The following MMP10 variants were observed in gnomAD, a reference collection of about 807,000 sequenced individuals.
MMP10 encodes stromelysin-2.
Under a neutral mutation model 49.1 loss-of-function variants are expected in MMP10, and 50 were observed. That is an observed-to-expected ratio of 1.02 (90% CI 0.81 to 1.29). MMP10 has a LOEUF of 1.29. MMP10 is among the 50% of genes most tolerant of loss of function. The probability of loss-of-function intolerance (pLI) is 0.00; values close to 1 mark genes in which losing one functional copy is unlikely to be tolerated. For synonymous variants in MMP10, 229 were observed against 201.6 expected, an observed-to-expected ratio of 1.14 and a Z score of -1.15; for missense variants, 613 against 563.8, an observed-to-expected ratio of 1.09 and a Z score of -0.88.
At chr11:102,777,467 C>T (rs1857756729) in intron 4 of MMP10, among the ~76,000 whole-genome samples, 1 of 152,038 alleles carries the variant, frequency 6.6e-6, no homozygotes, top group Admixed American at 6.5e-5. Context: ...GTTGGCTAGG[C>T]TGGTCTCAAA....
At position 102,775,255 on chromosome 11, in the gene MMP10, G is replaced by A. The variant is rs751881520; in HGVS notation, c.999C>T (p.Pro333=). 8 of 1,609,694 alleles carry A rather than the reference G, an allele frequency of 5.0e-6. No individual in the cohort carries two copies. The East Asian group carries it at 1.8e-4, about 36-fold the overall frequency. The change falls in exon 7 of 10, where the codon CCC becomes CCT. Residue 333 remains proline (P), a synonymous_variant. Coordinates refer to ENST00000279441, the MANE Select transcript of MMP10 (RefSeq NM_002425.3). ...CAGCATCCAAATATGATGGAAGAGA[G>A]GGCCAAAATGCAGAAATCAAATGAA... ...PEFHLISAFW[P]SLPSYLDAAY...
In MMP10 at chr11:102,770,817, C is replaced by T; in HGVS notation, c.1407G>A (p.Lys469=). The T allele has an allele frequency of 6.2e-7, 1 of 1,611,220 alleles. No homozygotes were observed. The highest frequency in any genetic ancestry group is 8.5e-7 in the Non-Finnish European group (1 of 1,178,370). The change falls in exon 10 of 10, where the codon AAG becomes AAA. Residue 469 remains lysine, a synonymous_variant. Transcript: ENST00000279441. ...CCTAGCAATGTAACCAGCTGTTACT[C>T]TTTAATATGTGTGTCACCATCCTGG... ...PNARMVTHIL[K]SNSWLHC
intron 9 of MMP10, among the ~76,000 whole-genome samples, chr11:102,771,349 C>T (rs940819202): frequency 2.0e-5 from 3 of 152,114 alleles, no homozygotes; most frequent in African/African-American, 7.2e-5. Flanking sequence ...GATAAATGAG[C>T]CAGAGGTCCA....
rs776172086 is a variant in MMP10, at chr11:102,779,331, T to C, written c.378A>G (p.Arg126=). Residue 126 remains arginine, a synonymous_variant, in exon 3 of 10, where the codon AGA becomes AGG. Coordinates refer to ENST00000279441, the MANE Select transcript of MMP10 (RefSeq NM_002425.3). ...TCTCAATGGCAGAATCAACAGCATC[T>C]CTTGGCAAATCTGGTGTATAATTCA... is the stretch of plus-strand genomic sequence containing the variant. ...RIVNYTPDLP[R]DAVDSAIEKA... The C allele has an allele frequency of 1.2e-6, 2 of 1,614,140 alleles. No homozygotes were observed. The highest frequency in any genetic ancestry group is 3.3e-5 in the Admixed American group (2 of 60,008).
intron 4 of MMP10, among the ~76,000 whole-genome samples, chr11:102,777,320 G>C (rs1857754737): frequency 6.6e-6 from 1 of 151,786 alleles, no homozygotes; most frequent in African/African-American, 2.4e-5. Context: ...TTGAGACAGA[G>C]TCTCATTCTG....
rs1242438252 is a variant in MMP10, at chr11:102,780,526, C to T, written c.66G>A (p.Gly22=). ...TGTTGGAGTCCTCCTCTTTTGCTGC[C>T]CCACTCAGAGGATAGGCAGAGCAGA... The part of the protein sequence containing the change: ...LPVCSAYPLS[G]AAKEEDSNKD... Residue 22 remains glycine, a synonymous_variant, in exon 1 of 10, where the codon GGG becomes GGA. Coordinates refer to ENST00000279441, the MANE Select transcript of MMP10 (RefSeq NM_002425.3). 6.2e-7 allele frequency: 1 copy of T among 1,613,924 alleles called. No homozygotes were observed.
chr11:102,775,379 AT>A lies in MMP10; in HGVS notation c.933-59del, dbSNP rs1862012423. On this transcript the variant is annotated intron_variant, in intron 6 of 9. Transcript: ENST00000279441. The stretch of plus-strand genomic sequence containing the variant: ...TCTCTTTTAGATATGTGAAAAAAAA[AT>A]TCTTTTTTTTTAAATCCATGCTAAT... The A allele has an allele frequency of 1.2e-5, 17 of 1,438,214 alleles. No homozygotes were observed. In the South Asian group the frequency reaches 2.3e-4, roughly 20 times the overall value. 89.1% of individuals were successfully genotyped at this position (1,438,214 alleles called of 1,614,324 possible).
chr11:102,778,625 T>C lies in MMP10; in HGVS notation c.621A>G (p.Ser207=). 1.2e-6 allele frequency: 2 copies of C among 1,613,904 alleles called. No homozygotes were observed. The highest frequency in any genetic ancestry group is 1.7e-6 in the Non-Finnish European group (2 of 1,179,896). Residue 207 remains serine, a splice_region_variant and synonymous_variant, in exon 4 of 10, where the codon TCA becomes TCG. Transcript: ENST00000279441. ...DDDEKWTEDA[S]GTNLFLVAAH... ...GTTCCCGAGAGGTTTACGACCCACC[T>C]GATGCATCTTCTGTCCATTTTTCAT...
intron 2 of MMP10, 52 bp from the exon 3 acceptor site, chr11:102,779,413 A>G: frequency 6.2e-7 from 1 of 1,608,780 alleles, no homozygotes; most frequent in Non-Finnish European, 8.5e-7. Context: ...TTTATGAAAA[A>G]TTGTTAAAGA....
At position 102,779,343 on chromosome 11, in the gene MMP10, T is replaced by C. The variant is rs772531661; in HGVS notation, c.366A>G (p.Pro122=). Residue 122 remains proline, a synonymous_variant, in exon 3 of 10, where the codon CCA becomes CCG. Coordinates refer to ENST00000279441, the MANE Select transcript of MMP10 (RefSeq NM_002425.3). The part of the protein sequence containing the change: ...HLTYRIVNYT[P]DLPRDAVDSA... ...AATCAACAGCATCTCTTGGCAAATCTGGTGTATAATTCACAATCCTGGAGG... is the reference window on the plus strand; with the variant it reads ...AATCAACAGCATCTCTTGGCAAATCCGGTGTATAATTCACAATCCTGGAGG... 8 of 1,614,156 alleles carry C rather than the reference T, an allele frequency of 5.0e-6. No individual in the cohort carries two copies. The highest frequency in any genetic ancestry group is 6.8e-6 in the Non-Finnish European group (8 of 1,180,012).
rs1256990285 is a variant in MMP10 at position 102,780,595 on chromosome 11, C to T, written c.-4G>A. 4 of 1,612,988 alleles carry T rather than the reference C, an allele frequency of 2.5e-6. No individual in the cohort carries two copies. The highest frequency in any genetic ancestry group is 2.2e-5 in the South Asian group (2 of 90,778). Reference sequence around the variant, plus strand: ...CAAGGAATGCAAGATGCATCATTCTCACTGCCCTTACCTTCTTTGTCTACT... The same window carrying T: ...CAAGGAATGCAAGATGCATCATTCTTACTGCCCTTACCTTCTTTGTCTACT... On this transcript the variant is annotated 5_prime_UTR_variant, in exon 1 of 10. Coordinates refer to ENST00000279441, the MANE Select transcript of MMP10 (RefSeq NM_002425.3).
chr11:102,778,710 C>A lies in MMP10; in HGVS notation c.536G>T (p.Ser179Ile). ...DFYSFDGPGH[S>I]LAHAYPPGPG... ...TCCAGGTGGGTAGGCATGAGCCAAA[C>A]TGTGTCCTGGGCCATCAAAAGAGTA... Residue 179 changes from serine to isoleucine, a missense_variant, in exon 4 of 10, where the codon AGT (serine) becomes ATT (isoleucine). Physicochemically the swap from Ser to Ile is moderately radical, Grantham distance 142 (BLOSUM62 -2). Transcript: ENST00000279441. 6.2e-7 allele frequency: 1 copy of A among 1,613,998 alleles called. No homozygotes were observed.
chr11:102,778,810 A>G, intron 3 of MMP10, 61 bp from the exon 4 acceptor site: 3 of 1,585,976 alleles, frequency 1.9e-6, no homozygotes, highest in Non-Finnish European at 2.6e-6. Context: ...CCCTGTTCCA[A>G]TTAAACAACA....
chr11:102,776,991 G>A (rs1032209540), intron 4 of MMP10, among the ~76,000 whole-genome samples: 1 of 152,022 alleles, frequency 6.6e-6, no homozygotes, highest in East Asian at 1.9e-4. Context: ...GTTTTTCACC[G>A]TATCCCTCCC....
intron 3 of MMP10, 152 bp downstream of exon 3, chr11:102,779,061 A>T: frequency 1.7e-6 from 2 of 1,152,292 alleles, no homozygotes; most frequent in Non-Finnish European, 2.4e-6. Context: ...ATCAGACACT[A>T]AATCTGCTGG....
At chr11:102,777,728 G>C (rs1857763423) in intron 4 of MMP10, among the ~76,000 whole-genome samples, 1 of 152,188 alleles carries the variant, frequency 6.6e-6, no homozygotes, top group African/African-American at 2.4e-5. Context: ...GAATTTAGTA[G>C]TAGATATTAT....
At position 102,779,614 on chromosome 11, in the gene MMP10, G is replaced by T. The variant is rs1434852184; in HGVS notation, c.237C>A (p.Asp79Glu). 1 of 1,614,024 alleles carries T rather than the reference G, an allele frequency of 6.2e-7. No individual in the cohort carries two copies. The highest frequency in any genetic ancestry group is 8.5e-7 in the Non-Finnish European group (1 of 1,179,998). Residue 79 changes from aspartate to glutamate, a missense_variant, in exon 2 of 10, where the codon GAC becomes GAA. Physicochemically the swap from Asp to Glu is conservative, Grantham distance 45. Coordinates refer to ENST00000279441, the MANE Select transcript of MMP10 (RefSeq NM_002425.3). ...FLGLEVTGKL[D>E]TDTLEVMRKP... ...TGCGCATCACCTCCAGAGTGTCAGTGTCTAGCTTCCCTGTCACCTCCAACC... is the reference window on the plus strand; with the variant it reads ...TGCGCATCACCTCCAGAGTGTCAGTTTCTAGCTTCCCTGTCACCTCCAACC...
chr11:102,772,865 G>A lies in MMP10; in HGVS notation c.1208C>T (p.Ala403Val), dbSNP rs1285038798. ...DKEKKKTYFF[A>V]ADKYWRFDEN... Reference sequence around the variant, plus strand: ...ATCTCACCTCCAGTATTTGTCCGCTGCAAAGAAGTATGTTTTCTTCTTTTC... The same window carrying A: ...ATCTCACCTCCAGTATTTGTCCGCTACAAAGAAGTATGTTTTCTTCTTTTC... The change falls in exon 8 of 10, where the codon GCA (alanine) becomes GTA (valine). Residue 403 changes from alanine (A) to valine (V), a missense_variant. Coordinates refer to ENST00000279441, the MANE Select transcript of MMP10 (RefSeq NM_002425.3). This position sits in a 1 kb window ranked among gnomAD's most constrained non-coding sequence, Gnocchi z 4.4. 2 of 1,612,062 alleles carry A rather than the reference G, an allele frequency of 1.2e-6. No individual in the cohort carries two copies. The highest frequency in any genetic ancestry group is 1.7e-6 in the Non-Finnish European group (2 of 1,179,234).
intron 9 of MMP10, 99 bp downstream of exon 9, chr11:102,771,913 A>G: frequency 1.3e-6 from 1 of 776,992 alleles, no homozygotes; most frequent in Non-Finnish European, 2.2e-6. Context: ...AAGATATCAG[A>G]CTGAATGATT....
Sources: allele counts gnomAD v4.1 joint callset (sites outside exome capture counted in the v4.1 genomes callset), GRCh38; gene constraint gnomAD v4.1.1; non-coding constraint Gnocchi (gnomAD v3.1); transcripts MANE v1.5; gene names NCBI Gene and HGNC (gene_info 2026-07-23, HGNC 2026-07-21).